Variants in ATP8B4 observed in about 807,000 individuals in gnomAD.
The protein encoded by ATP8B4 is ATPase phospholipid transporting 8B4 (putative), also known as probable phospholipid-transporting ATPase IM.
Under a neutral mutation model 145.6 loss-of-function variants are expected in ATP8B4, and 133 were observed. The observed-to-expected ratio is 0.91, with a 90% CI of 0.79 to 1.05. The LOEUF is 1.05. ATP8B4 is among the 50% of genes least tolerant of loss of function. The pLI is 0.00. For missense variants in ATP8B4, 1,458 were observed against 1,425.2 expected (o/e 1.02, Z -0.37); for synonymous variants, 507 against 492.9 (o/e 1.03, Z -0.38).
In ATP8B4 at chr15:49,860,310, G is replaced by A; in HGVS notation, c.3463C>T (p.Pro1155Ser). The A allele has an allele frequency of 6.2e-7, 1 of 1,614,080 alleles. No individual in the cohort carries two copies. Among genetic ancestry groups the A allele is most frequent in the East Asian group, 2.2e-5 (1 of 44,860 alleles). The change falls in exon 28 of 28, where the codon CCA (proline) becomes TCA (serine). Residue 1155 changes from proline to serine, a missense_variant. Physicochemically the swap from Pro to Ser is moderately conservative, Grantham distance 74. Coordinates refer to ENST00000284509, the MANE Select transcript of ATP8B4 (RefSeq NM_024837.4). ...GKNMRAKNPP[P>S]TSGLEKTHYN... ...TGTGTCTTTTCCAGCCCTGATGTTGGGGGTGGATTTTTAGCTCGCATATTT... is the reference window on the plus strand; with the variant it reads ...TGTGTCTTTTCCAGCCCTGATGTTGAGGGTGGATTTTTAGCTCGCATATTT...
intron 22 of ATP8B4, among the ~76,000 whole-genome samples, 163 bp from the exon 23 acceptor site, chr15:49,897,678 T>C (rs2037560362): frequency 6.6e-6 from 1 of 152,244 alleles, no homozygotes; most frequent in Non-Finnish European, 1.5e-5. Context: ...TTCTCTTAGT[T>C]TTACAAAAGA....
intron 1 of ATP8B4, among the ~76,000 whole-genome samples, chr15:50,111,974 C>T (rs2056969105): frequency 6.6e-6 from 1 of 151,948 alleles, no homozygotes. Context: ...TCTAGACCAG[C>T]CTGAGCAAAT....
Position 49,901,170 on chromosome 15 carries a change from CTTT to C in ATP8B4, c.2208_2210del (p.Lys737del), listed in dbSNP as rs771645839. 2 of 1,613,516 alleles carry C rather than the reference CTTT, an allele frequency of 1.2e-6. No individual in the cohort carries two copies. The highest frequency in any genetic ancestry group is 1.7e-6 in the Non-Finnish European group (2 of 1,179,592). On this transcript the variant is annotated inframe_deletion, in exon 21 of 28. Transcript: ENST00000284509. ...CAATAGAATCCAACTCCAGCTGCTG[CTTT>C]TTTTCACAAACTACATGGCCATTGG...
chr15:49,944,618 A>G (rs748002703), intron 14 of ATP8B4, among the ~76,000 whole-genome samples: 1 of 152,172 alleles, frequency 6.6e-6, no homozygotes, highest in Non-Finnish European at 1.5e-5. Context: ...CAATAATAGT[A>G]AGAGGTGTCA....
intron 5 of ATP8B4, among the ~76,000 whole-genome samples, chr15:50,043,946 C>T (rs1485825009): frequency 1.5e-5 from 2 of 135,520 alleles, no homozygotes; most frequent in Admixed American, 8.1e-5. Context: ...GGCGACAGAG[C>T]GAGACTCCGT....
intron 1 of ATP8B4, among the ~76,000 whole-genome samples, chr15:50,128,273 C>G (rs1266101675): frequency 2.0e-5 from 3 of 152,200 alleles, no homozygotes; most frequent in African/African-American, 7.2e-5. Flanking sequence ...TTAGAAACAT[C>G]CAGAGAGTTG....
intron 23 of ATP8B4, among the ~76,000 whole-genome samples, chr15:49,880,949 A>G (rs1246460946): frequency 6.6e-6 from 1 of 152,068 alleles, no homozygotes; most frequent in Non-Finnish European, 1.5e-5. Context: ...CGTCTCTACT[A>G]AAAATACAAA....
intron 14 of ATP8B4, among the ~76,000 whole-genome samples, chr15:49,955,243 T>C (rs893149647): frequency 2.6e-5 from 4 of 152,198 alleles, no homozygotes; most frequent in African/African-American, 9.7e-5. Flanking sequence ...ACCTGGGTGA[T>C]GGGTTCAACT....
chr15:49,935,886 G>A (rs1019346484), intron 14 of ATP8B4, among the ~76,000 whole-genome samples: 2 of 151,952 alleles, frequency 1.3e-5, no homozygotes, highest in African/African-American at 4.8e-5. Context: ...CATACAGAAG[G>A]CTGTTTTGTT....
In ATP8B4 at chr15:50,029,370, C is replaced by T. The variant is rs1473088514; in HGVS notation, c.362+9398G>A. Among the ~76,000 whole-genome samples the T allele has an allele frequency of 5.3e-5, 8 of 152,050 alleles. No homozygotes were observed. In the East Asian group the frequency reaches 1.5e-3, roughly 29 times the overall value. On this transcript the variant is annotated intron_variant, in intron 6 of 27. Coordinates refer to ENST00000284509, the MANE Select transcript of ATP8B4 (RefSeq NM_024837.4). ...GGAGACTCTAAGGGAGAATCTGTTC[C>T]AGGCTTCTCTCCTAGCTTCTGATAG...
intron 2 of ATP8B4, among the ~76,000 whole-genome samples, chr15:50,103,767 T>A (rs564828941): frequency 6.6e-6 from 1 of 152,110 alleles, no homozygotes; most frequent in Non-Finnish European, 1.5e-5. Flanking sequence ...AGAGCCCACA[T>A]AGCCAAAGCA....
At chr15:49,930,315 G>T (rs2041135894) in intron 16 of ATP8B4, among the ~76,000 whole-genome samples, 1 of 152,020 alleles carries the variant, frequency 6.6e-6, no homozygotes, top group African/African-American at 2.4e-5. Context: ...TAGAGAAATA[G>T]GAGATGAATT....
chr15:50,043,090 G>T (rs2051430558), intron 5 of ATP8B4, among the ~76,000 whole-genome samples: 1 of 152,268 alleles, frequency 6.6e-6, no homozygotes, highest in African/African-American at 2.4e-5. Flanking sequence ...TTAAAAATAG[G>T]CAACAGGAAA....
rs781362293 is a variant in ATP8B4, at chr15:49,898,258, G to A, written c.2290-7C>T. On this transcript the variant is annotated splice_region_variant and splice_polypyrimidine_tract_variant and intron_variant, in intron 21 of 27. Coordinates refer to ENST00000284509, the MANE Select transcript of ATP8B4 (RefSeq NM_024837.4). Reference sequence around the variant, plus strand: ...CACTTTCTAGGGCATGAGCCTGTATGATTAAAAATAAAATTCAAACAAGAA... The same window carrying A: ...CACTTTCTAGGGCATGAGCCTGTATAATTAAAAATAAAATTCAAACAAGAA... 6.2e-6 allele frequency: 10 copies of A among 1,605,134 alleles called. No individual in the cohort carries two copies. The South Asian group carries it at 9.9e-5, about 16-fold the overall frequency.
chr15:50,144,722 A>G (rs1284695370), intron 1 of ATP8B4, among the ~76,000 whole-genome samples: 1 of 151,942 alleles, frequency 6.6e-6, no homozygotes, highest in Non-Finnish European at 1.5e-5. Context: ...ATAACCTAAT[A>G]TGAGATGACA....
At chr15:50,144,751 G>A (rs200120871) in intron 1 of ATP8B4, among the ~76,000 whole-genome samples, 2 of 148,210 alleles carry the variant, frequency 1.3e-5, no homozygotes, top group East Asian at 3.9e-4. Context: ...AATTACCCTT[G>A]TTTTTTTTTT....
At chr15:49,906,720 T>C (rs1020690126) in intron 20 of ATP8B4, among the ~76,000 whole-genome samples, 3 of 152,148 alleles carry the variant, frequency 2.0e-5, no homozygotes, top group Non-Finnish European at 4.4e-5. Flanking sequence ...TCTTTAAGTA[T>C]CAAAAGAATA....
At chr15:49,930,395 C>G (rs1567015754) in intron 16 of ATP8B4, among the ~76,000 whole-genome samples, 1 of 151,974 alleles carries the variant, frequency 6.6e-6, no homozygotes, top group Non-Finnish European at 1.5e-5. Context: ...TTTAGAATAT[C>G]TATTGTGAAA....
chr15:49,862,461 T>A, intron 26 of ATP8B4, 86 bp from the exon 27 acceptor site: 2 of 1,279,700 alleles, frequency 1.6e-6, no homozygotes, highest in Non-Finnish European at 1.0e-6. Context: ...TACAAGATCT[T>A]TTTTTTTTTT....
Sources: gnomAD v4.1 joint callset for allele counts (sites outside exome capture counted in the v4.1 genomes callset) on GRCh38, gnomAD v4.1.1 for gene constraint, MANE v1.5 for transcripts, NCBI Gene and HGNC (gene_info 2026-07-23, HGNC 2026-07-21) for gene names.